The following SLC30A7 variants were observed in gnomAD, a reference collection of about 807,000 sequenced individuals.
SLC30A7 encodes the protein zinc transporter 7.
A neutral mutation model predicts 46.0 loss-of-function variants in SLC30A7; 35 were observed. The observed-to-expected ratio is 0.76, with a 90% CI of 0.58 to 1.01. SLC30A7 has a LOEUF of 1.01. Among genes scored for constraint, SLC30A7 ranks in the 50% least tolerant of loss-of-function variants. The probability of loss-of-function intolerance (pLI) is 0.00; values close to 1 mark genes in which losing one functional copy is unlikely to be tolerated. For missense variants in SLC30A7, 464 were observed against 451.1 expected, an observed-to-expected ratio of 1.03 and a Z score of -0.26; for synonymous variants, 147 against 157.8, an observed-to-expected ratio of 0.93 and a Z score of 0.51.
At chr1:100,965,527 C>G (rs758094296) in intron 9 of SLC30A7, among the ~76,000 whole-genome samples, 2 of 152,234 alleles carry the variant, frequency 1.3e-5, no homozygotes, top group Non-Finnish European at 2.9e-5. Context: ...GTGGGGCACA[C>G]TCTCAGGTGT....
At chr1:100,914,332 CCT>C (rs1652334057) in intron 6 of SLC30A7, among the ~76,000 whole-genome samples, 1 of 152,138 alleles carries the variant, frequency 6.6e-6, no homozygotes, top group South Asian at 2.1e-4. Context: ...TAACCGTCCC[CCT>C]TTCCCTCCCC....
chr1:100,976,811 T>G lies in SLC30A7; in HGVS notation c.*1954T>G, dbSNP rs17449022. 0.12 allele frequency: 17,781 copies of G among 152,608 alleles called. 1,139 individuals carry two copies. The highest frequency in any genetic ancestry group is 0.15 in the Non-Finnish European group (10,085 of 67,990). 9.5% of individuals were successfully genotyped at this position (152,608 alleles called of 1,614,324 possible). On this transcript the variant is annotated 3_prime_UTR_variant, in exon 11 of 11. Transcript: ENST00000357650. Reference sequence around the variant, plus strand: ...TCATTCTTTTCTAAACTGCTGCAGATTGCCGTGAACTCTATCAATAGTCTC... The same window carrying G: ...TCATTCTTTTCTAAACTGCTGCAGAGTGCCGTGAACTCTATCAATAGTCTC...
the SLC30A7 span, among the ~76,000 whole-genome samples, chr1:100,988,274 C>T: frequency 2.0e-4 from 30 of 152,226 alleles, no homozygotes; most frequent in African/African-American, 5.3e-4. Flanking sequence ...GTTCTAGCCA[C>T]GCCTTACCAC....
chr1:100,973,105 T>C (rs562517454), intron 10 of SLC30A7, among the ~76,000 whole-genome samples: 1 of 151,876 alleles, frequency 6.6e-6, no homozygotes, highest in East Asian at 1.9e-4. Flanking sequence ...AATTAAAATA[T>C]ATTTCTTTTG....
chr1:100,924,068 A>G (rs942320587), intron 8 of SLC30A7, among the ~76,000 whole-genome samples: 4 of 152,200 alleles, frequency 2.6e-5, no homozygotes, highest in African/African-American at 4.8e-5. Context: ...AAACTGTAAC[A>G]ATCTCCAGGT....
At chr1:100,951,003 C>T (rs761105754) in intron 8 of SLC30A7, among the ~76,000 whole-genome samples, 25 of 152,082 alleles carry the variant, frequency 1.6e-4, no homozygotes, top group Non-Finnish European at 3.4e-4. Context: ...GGGGAGCCAG[C>T]GTAGGAGTCA....
At chr1:100,946,462 T>A (rs1654641623) in intron 8 of SLC30A7, among the ~76,000 whole-genome samples, 1 of 152,188 alleles carries the variant, frequency 6.6e-6, no homozygotes, top group African/African-American at 2.4e-5. Flanking sequence ...ATAGATTCCA[T>A]CAATCCCTAG....
At chr1:100,985,629 A>G (rs1279558066), downstream of SLC30A7, among the ~76,000 whole-genome samples, 1 of 152,184 alleles carries the variant, frequency 6.6e-6, no homozygotes, top group Non-Finnish European at 1.5e-5. Context: ...GGGCTTAATG[A>G]TTTTTACAAT....
intron 9 of SLC30A7, among the ~76,000 whole-genome samples, chr1:100,964,910 C>T (rs1655783223): frequency 6.6e-6 from 1 of 152,164 alleles, no homozygotes; most frequent in African/African-American, 2.4e-5. Flanking sequence ...TTAAAGAAGG[C>T]ACGGTAGATA....
At chr1:100,916,031 G>A (rs892276140) in intron 6 of SLC30A7, among the ~76,000 whole-genome samples, 6 of 152,004 alleles carry the variant, frequency 3.9e-5, no homozygotes, top group African/African-American at 1.4e-4. Context: ...TAGTGATGTT[G>A]AGCATCTTTT....
chr1:100,917,153 A>G (rs1652616178), intron 6 of SLC30A7, among the ~76,000 whole-genome samples: 1 of 152,118 alleles, frequency 6.6e-6, no homozygotes, highest in Non-Finnish European at 1.5e-5. Flanking sequence ...TGCTTTTCCA[A>G]CTTTTTTGCT....
downstream of SLC30A7, among the ~76,000 whole-genome samples, chr1:100,986,385 G>C (rs1053957290): frequency 2.6e-5 from 4 of 151,310 alleles, no homozygotes; most frequent in African/African-American, 9.7e-5. Flanking sequence ...CTCCTGCTTG[G>C]GCAACAAAAG....
At chr1:100,915,493 C>A (rs1393916228) in intron 6 of SLC30A7, among the ~76,000 whole-genome samples, 2 of 152,076 alleles carry the variant, frequency 1.3e-5, no homozygotes, top group Non-Finnish European at 2.9e-5. Context: ...ATGAGTTTGA[C>A]TATTTTAGAT....
chr1:100,943,866 G>A (rs1034001998), intron 8 of SLC30A7, among the ~76,000 whole-genome samples: 6 of 152,120 alleles, frequency 3.9e-5, no homozygotes, highest in Admixed American at 3.3e-4. Flanking sequence ...TGATATATAG[G>A]TTTATAGCAT....
chr1:100,908,958 T>C (rs997947989), intron 3 of SLC30A7, among the ~76,000 whole-genome samples: 4 of 152,098 alleles, frequency 2.6e-5, no homozygotes, highest in Admixed American at 2.0e-4. Flanking sequence ...TTCAGTACCA[T>C]AGCAGATTTT....
rs374090840 is a variant in SLC30A7 at position 100,965,597 on chromosome 1, G to A, written c.934-172G>A. ...TCCCAAATACTTGTCATGGCACCTGGCACATAATTAGTACTCAAGAGTATT... is the reference window on the plus strand; with the variant it reads ...TCCCAAATACTTGTCATGGCACCTGACACATAATTAGTACTCAAGAGTATT... On this transcript the variant is annotated intron_variant, in intron 9 of 10. Coordinates refer to ENST00000357650, the MANE Select transcript of SLC30A7 (RefSeq NM_133496.5). 7.4e-4 allele frequency among the ~76,000 whole-genome samples: 112 copies of A among 152,234 alleles called. 2 individuals are homozygous for A. The South Asian group carries it at 0.022, about 30-fold the overall frequency.
rs561657878 is a variant in SLC30A7 at position 100,971,056 on chromosome 1, A to G, written c.1084-3754A>G. Among the ~76,000 whole-genome samples the G allele has an allele frequency of 1.2e-3, 182 of 152,162 alleles. 1 individual carries two copies. Among genetic ancestry groups the G allele is most frequent in the African/African-American group, 4.2e-3 (176 of 41,514 alleles). On this transcript the variant is annotated intron_variant, in intron 10 of 10. Coordinates refer to ENST00000357650, the MANE Select transcript of SLC30A7 (RefSeq NM_133496.5). ...GTGCCTGATAAGTCCTAAGCCCCCA[A>G]CTTCCTGCTTCAGCTTTTTGTGCTC...
At chr1:100,962,617 G>A (rs1452012950) in intron 9 of SLC30A7, among the ~76,000 whole-genome samples, 1 of 152,208 alleles carries the variant, frequency 6.6e-6, no homozygotes, top group Non-Finnish European at 1.5e-5. Context: ...AAAGCCTGGA[G>A]AGAATGGCAG....
the SLC30A7 span, among the ~76,000 whole-genome samples, chr1:100,991,602 C>T: frequency 7.9e-5 from 12 of 151,976 alleles, no homozygotes; most frequent in Admixed American, 3.3e-4. Flanking sequence ...AGCTGGGCAA[C>T]ATGGTGAAAC....
Sources: gnomAD v4.1 joint callset for allele counts (sites outside exome capture counted in the v4.1 genomes callset) on GRCh38, gnomAD v4.1.1 for gene constraint, MANE v1.5 for transcripts, NCBI Gene and HGNC (gene_info 2026-07-23, HGNC 2026-07-21) for gene names.